ATOSA: variants seen among roughly 807,000 people sequenced by gnomAD.
The protein encoded by ATOSA is atos homolog protein A.
the ATOSA span, among the ~76,000 whole-genome samples, chr15:52,621,039 A>G: frequency 6.6e-6 from 1 of 152,346 alleles, no homozygotes; most frequent in South Asian, 2.1e-4. Flanking sequence ...CCCAGGAAAT[A>G]ACAGGACAAG....
chr15:52,651,883 C>G, the ATOSA span: 1 of 1,535,458 alleles, frequency 6.5e-7, no homozygotes, highest in Non-Finnish European at 8.7e-7. Context: ...CTCTGTGAAG[C>G]CCTTTGTTTC....
chr15:52,630,604 T>A, the ATOSA span, among the ~76,000 whole-genome samples: 1 of 152,180 alleles, frequency 6.6e-6, no homozygotes, highest in African/African-American at 2.4e-5. Flanking sequence ...TACACACTGG[T>A]GCAAACACTT....
chr15:52,646,956 C>T, the ATOSA span, among the ~76,000 whole-genome samples: 6 of 152,118 alleles, frequency 3.9e-5, no homozygotes, highest in East Asian at 5.8e-4. Context: ...TTGAGAGAAG[C>T]GATTTAAGGT....
chr15:52,663,964 T>C, the ATOSA span, among the ~76,000 whole-genome samples: 1 of 152,200 alleles, frequency 6.6e-6, no homozygotes, highest in Non-Finnish European at 1.5e-5. Context: ...ATAAAATGAA[T>C]GCCACAAAAA....
chr15:52,619,023 A>T, the ATOSA span, among the ~76,000 whole-genome samples: 1 of 152,244 alleles, frequency 6.6e-6, no homozygotes, highest in Non-Finnish European at 1.5e-5. Flanking sequence ...AAGATTAGAG[A>T]TGATACTAGT....
the ATOSA span, chr15:52,586,132 G>A: frequency 6.6e-6 from 1 of 152,178 alleles, no homozygotes; most frequent in Non-Finnish European, 1.5e-5. Flanking sequence ...ACTTTCTCAT[G>A]AGCTGCATAG....
chr15:52,660,902 C>T, the ATOSA span, among the ~76,000 whole-genome samples: 2 of 152,230 alleles, frequency 1.3e-5, no homozygotes, highest in Admixed American at 6.5e-5. Context: ...GATCCACCCG[C>T]CTTGGTCTCC....
the ATOSA span, among the ~76,000 whole-genome samples, chr15:52,703,641 A>C: frequency 2.7e-5 from 4 of 150,914 alleles, no homozygotes; most frequent in South Asian, 2.1e-4. Context: ...TATTCATTGC[A>C]GTATAGGAGA....
the ATOSA span, chr15:52,590,605 T>C: frequency 3.3e-5 from 5 of 152,182 alleles, no homozygotes; most frequent in African/African-American, 1.2e-4. Context: ...AACAAGTGTT[T>C]TATGTCTTCG....
chr15:52,685,693 G>A, the ATOSA span, among the ~76,000 whole-genome samples: 28 of 151,778 alleles, frequency 1.8e-4, 1 homozygote, highest in Admixed American at 1.7e-3. Context: ...CCTCGGCCTC[G>A]CAAAGTGCTG....
At chr15:52,676,100 A>G in the ATOSA span, among the ~76,000 whole-genome samples, 3 of 152,238 alleles carry the variant, frequency 2.0e-5, no homozygotes, top group African/African-American at 7.2e-5. Context: ...GGTTTAAACT[A>G]GAGACAAAAA....
At chr15:52,707,857 G>A in the ATOSA span, among the ~76,000 whole-genome samples, 1 of 152,292 alleles carries the variant, frequency 6.6e-6, no homozygotes, top group East Asian at 1.9e-4. Context: ...TTGTAAGAAT[G>A]AGAAATGCTC....
chr15:52,636,970 T>C, the ATOSA span, among the ~76,000 whole-genome samples: 14 of 152,174 alleles, frequency 9.2e-5, no homozygotes, highest in South Asian at 2.7e-3. Context: ...ATTGTGTGTA[T>C]GTACTTCTGG....
At chr15:52,614,017 A>G in the ATOSA span, 1 of 696,296 alleles carries the variant, frequency 1.4e-6, no homozygotes, top group Non-Finnish European at 2.5e-6. Flanking sequence ...CTTTTGATTC[A>G]CAAACTACAG....
the ATOSA span, among the ~76,000 whole-genome samples, chr15:52,670,463 G>C: frequency 6.6e-6 from 1 of 152,194 alleles, no homozygotes; most frequent in Non-Finnish European, 1.5e-5. Context: ...TCCGAAGTTA[G>C]AATTTCAATC....
At chr15:52,633,054 T>C in the ATOSA span, among the ~76,000 whole-genome samples, 3 of 152,234 alleles carry the variant, frequency 2.0e-5, no homozygotes, top group African/African-American at 7.2e-5. Context: ...GGCATGTTAC[T>C]TCATTTCTTC....
the ATOSA span, among the ~76,000 whole-genome samples, chr15:52,654,033 T>G: frequency 6.6e-6 from 1 of 152,150 alleles, no homozygotes; most frequent in African/African-American, 2.4e-5. Flanking sequence ...ATTAATAAAT[T>G]TATATTTCAA....
At chr15:52,649,109 T>A in the ATOSA span, among the ~76,000 whole-genome samples, 1 of 152,182 alleles carries the variant, frequency 6.6e-6, no homozygotes, top group Non-Finnish European at 1.5e-5. Flanking sequence ...GAAAAAAATT[T>A]ACTATATACT....
chr15:52,678,176 G>T, the ATOSA span: 1 of 870,412 alleles, frequency 1.1e-6, no homozygotes. Context: ...CCCGGACCTT[G>T]CAAGTAAACT....
Sources: gnomAD v4.1 joint callset for allele counts (sites outside exome capture counted in the v4.1 genomes callset) on GRCh38, gnomAD v4.1.1 for gene constraint, MANE v1.5 for transcripts, NCBI Gene and HGNC (gene_info 2026-07-23, HGNC 2026-07-21) for gene names.